The following DDB2 variants were observed in gnomAD, a reference collection of about 807,000 sequenced individuals.
DDB2 encodes DNA damage-binding protein 2.
DDB2 carries 27 observed loss-of-function variants against 50.5 expected under a neutral mutation model. That is an observed-to-expected ratio of 0.53 (90% CI 0.39 to 0.74). The LOEUF is 0.74. Ranked by LOEUF, DDB2 falls within the 30% of genes least tolerant of loss-of-function variation. DDB2 has a pLI of 0.00. For synonymous variants in DDB2, 176 were observed against 205.5 expected (o/e 0.86, Z 1.23); for missense variants, 424 against 545.6 (o/e 0.78, Z 2.22).
chr11:47,237,558 G>C, intron 7 of DDB2: 1 of 389,904 alleles, frequency 2.6e-6, no homozygotes, highest in Non-Finnish European at 4.9e-6. Flanking sequence ...AGCCTCCCAA[G>C]TAGCTGGGAC....
intron 3 of DDB2, among the ~76,000 whole-genome samples, chr11:47,218,967 C>G (rs73465806): frequency 6.6e-6 from 1 of 150,826 alleles, no homozygotes; most frequent in South Asian, 2.1e-4. Flanking sequence ...TTTTTTGAGG[C>G]GGACTCTCGC....
At chr11:47,234,543 A>G (rs1162014833) in intron 4 of DDB2, 30 bp from the exon 5 acceptor site, 40 of 1,591,348 alleles carry the variant, frequency 2.5e-5, no homozygotes, top group Non-Finnish European at 3.4e-5. Context: ...TCTGTCCCCA[A>G]GAATCTTACA....
intron 3 of DDB2, chr11:47,229,818 C>CTTTTTTTTTT (rs11376360): frequency 7.3e-5 from 24 of 329,642 alleles, no homozygotes; most frequent in South Asian, 9.3e-5. Flanking sequence ...GATGGCTCTT[C>CTTTTTTTTTT]TTTTTTTTTT....
intron 3 of DDB2, among the ~76,000 whole-genome samples, chr11:47,227,625 C>G (rs1471438545): frequency 6.6e-6 from 1 of 151,856 alleles, no homozygotes; most frequent in Non-Finnish European, 1.5e-5. Context: ...ATTCTCCTGC[C>G]TCAGCCTCCC....
chr11:47,215,363 G>T (rs917864476), intron 1 of DDB2, 100 bp downstream of exon 1: 57 of 1,589,896 alleles, frequency 3.6e-5, no homozygotes, highest in Non-Finnish European at 4.2e-5. Context: ...CGAGGCCCGC[G>T]CAGGTCACGG....
intron 3 of DDB2, among the ~76,000 whole-genome samples, chr11:47,227,416 A>C (rs1360102932): frequency 6.7e-6 from 1 of 150,136 alleles, no homozygotes; most frequent in African/African-American, 2.4e-5. Flanking sequence ...CATGATATTA[A>C]CCTCTTATCA....
At chr11:47,233,166 C>G in intron 4 of DDB2, 2 of 636,886 alleles carry the variant, frequency 3.1e-6, no homozygotes, top group Non-Finnish European at 5.7e-6. Flanking sequence ...GGAAGGTGTT[C>G]TGGAGCCTCA....
At chr11:47,232,163 G>A (rs1953658220) in intron 3 of DDB2, among the ~76,000 whole-genome samples, 1 of 151,840 alleles carries the variant, frequency 6.6e-6, no homozygotes, top group East Asian at 1.9e-4. Context: ...GGCCAACATG[G>A]TGAAACCCTG....
chr11:47,214,608 G>A (rs568794187), upstream of DDB2: 26 of 163,992 alleles, frequency 1.6e-4, no homozygotes, highest in South Asian at 3.8e-3. Context: ...AAAAAAGAGA[G>A]AGAGAGAGAG....
intron 3 of DDB2, among the ~76,000 whole-genome samples, chr11:47,226,561 C>T (rs973145838): frequency 4.6e-5 from 7 of 152,054 alleles, no homozygotes; most frequent in African/African-American, 1.7e-4. Context: ...GTGTGAGCCA[C>T]CATGCTCGGC....
At chr11:47,233,843 C>T (rs1251618223) in intron 4 of DDB2, among the ~76,000 whole-genome samples, 2 of 152,162 alleles carry the variant, frequency 1.3e-5, no homozygotes, top group Non-Finnish European at 2.9e-5. Context: ...CTGGGCTGTC[C>T]CGCAGGGATG....
chr11:47,217,871 A>G (rs1953424303), intron 3 of DDB2, among the ~76,000 whole-genome samples: 1 of 151,702 alleles, frequency 6.6e-6, no homozygotes, highest in Admixed American at 6.6e-5. Context: ...AGCCTGGGCA[A>G]CAGAGCGAGA....
chr11:47,225,194 C>G (rs918144252), intron 3 of DDB2, among the ~76,000 whole-genome samples: 2 of 151,416 alleles, frequency 1.3e-5, no homozygotes, highest in Admixed American at 6.6e-5. Context: ...CCCACCTTGG[C>G]CTCCCAAAGT....
At chr11:47,223,301 A>G (rs1953512124) in intron 3 of DDB2, among the ~76,000 whole-genome samples, 1 of 152,058 alleles carries the variant, frequency 6.6e-6, no homozygotes, top group African/African-American at 2.4e-5. Context: ...CCTGGCTAAC[A>G]TGGTGAAACC....
At chr11:47,232,173 G>A (rs1420811670) in intron 3 of DDB2, among the ~76,000 whole-genome samples, 1 of 151,858 alleles carries the variant, frequency 6.6e-6, no homozygotes, top group Non-Finnish European at 1.5e-5. Context: ...GTGAAACCCT[G>A]TCTCTACTAA....
chr11:47,216,421 G>C lies in DDB2; in HGVS notation c.213G>C (p.Arg71Ser). 3 of 1,614,050 alleles carry C rather than the reference G, an allele frequency of 1.9e-6. No individual in the cohort carries two copies. The highest frequency in any genetic ancestry group is 2.5e-6 in the Non-Finnish European group (3 of 1,180,038). The change falls in exon 2 of 10, where the codon AGG (arginine) becomes AGC (serine). Residue 71 changes from arginine (R) to serine (S), a missense_variant. By Grantham distance (110) the Arg-to-Ser change is moderately radical. Coordinates refer to ENST00000256996, the MANE Select transcript of DDB2 (RefSeq NM_000107.3). ...TGCCACCATGCCGCAGCATCGTCAG[G>C]ACCCTCCACCAGCATAAGCTGGGCA... ...QILPPCRSIV[R>S]TLHQHKLGRA... is the part of the protein sequence containing the mutation.
At chr11:47,231,858 A>G (rs1357476394) in intron 3 of DDB2, among the ~76,000 whole-genome samples, 4 of 152,174 alleles carry the variant, frequency 2.6e-5, no homozygotes, top group Non-Finnish European at 5.9e-5. Context: ...CAGATCAGCC[A>G]GGGGCTGGGG....
chr11:47,223,608 G>A (rs1414840377), intron 3 of DDB2, among the ~76,000 whole-genome samples: 1 of 151,946 alleles, frequency 6.6e-6, no homozygotes, highest in Non-Finnish European at 1.5e-5. Context: ...GTGAAACCCT[G>A]TCTGTTCTAA....
At position 47,235,285 on chromosome 11, in the gene DDB2, A is replaced by T; in HGVS notation, c.896A>T (p.Asp299Val). 1 of 1,614,164 alleles carries T rather than the reference A, an allele frequency of 6.2e-7. No homozygotes were observed. Among genetic ancestry groups the T allele is most frequent in the Non-Finnish European group, 8.5e-7 (1 of 1,180,034 alleles). Residue 299 changes from aspartate (D) to valine (V), a missense_variant, in exon 7 of 10, where the codon GAT (aspartate) becomes GTT (valine). By Grantham distance (152) the Asp-to-Val change is radical. Transcript: ENST00000256996. Reference sequence around the variant, plus strand: ...ACTTTGCCAGCTTGTTTCAGTCCCGATGGAGCCCGGCTCCTGACCACGGAC... The same window carrying T: ...ACTTTGCCAGCTTGTTTCAGTCCCGTTGGAGCCCGGCTCCTGACCACGGAC... ...HPVNAACFSP[D>V]GARLLTTDQK...
Sources: gnomAD v4.1 joint callset for allele counts (sites outside exome capture counted in the v4.1 genomes callset) on GRCh38, gnomAD v4.1.1 for gene constraint, MANE v1.5 for transcripts, NCBI Gene and HGNC (gene_info 2026-07-23, HGNC 2026-07-21) for gene names.